IKBKE: variants seen among roughly 807,000 people sequenced by gnomAD.
IKBKE encodes the protein inhibitor of nuclear factor kappa B kinase subunit epsilon.
A neutral mutation model predicts 92.1 loss-of-function variants in IKBKE; 45 were observed. The ratio of observed to expected loss-of-function variants is 0.49; its 90% CI spans 0.38 to 0.63. The LOEUF (loss-of-function observed/expected upper bound fraction) is 0.63. Ranked by LOEUF, IKBKE falls within the 20% of genes least tolerant of loss-of-function variation. The pLI is 0.00. For synonymous variants in IKBKE, 374 were observed against 380.3 expected, an observed-to-expected ratio of 0.98 and a Z score of 0.19; for missense variants, 700 against 932.8, an observed-to-expected ratio of 0.75 and a Z score of 3.25.
intron 13 of IKBKE, among the ~76,000 whole-genome samples, chr1:206,483,927 T>A (rs1390215817): frequency 4.6e-5 from 7 of 152,136 alleles, no homozygotes; most frequent in African/African-American, 7.2e-5. Flanking sequence ...TGGGAAGTTT[T>A]AAAAATTTTT....
In IKBKE at chr1:206,485,123, G is replaced by A. The variant is rs782466077; in HGVS notation, c.1503+51G>A. The A allele has an allele frequency of 1.6e-5, 26 of 1,592,938 alleles. No individual in the cohort carries two copies. Among genetic ancestry groups the A allele is most frequent in the Middle Eastern group, 1.7e-4 (1 of 6,024 alleles). On this transcript the variant is annotated intron_variant, in intron 14 of 21. Coordinates refer to ENST00000581977, the MANE Select transcript of IKBKE (RefSeq NM_014002.4). This position sits in a 1 kb window ranked among gnomAD's most constrained non-coding sequence, Gnocchi z 5.0. ...TTAGCAGGATCAGAGCTGGGGGCCCGTGTTCCAGCCAGCCTGCCCACCAGT... is the reference window on the plus strand; with the variant it reads ...TTAGCAGGATCAGAGCTGGGGGCCCATGTTCCAGCCAGCCTGCCCACCAGT...
intron 18 of IKBKE, chr1:206,492,643 T>C (rs561316205): frequency 6.2e-6 from 3 of 484,286 alleles, no homozygotes; most frequent in Non-Finnish European, 1.3e-5. Flanking sequence ...TAGAAGAGAA[T>C]TCACACTGGA....
chr1:206,482,157 G>A (rs531198137), intron 13 of IKBKE, among the ~76,000 whole-genome samples: 1 of 152,112 alleles, frequency 6.6e-6, no homozygotes, highest in Non-Finnish European at 1.5e-5. Context: ...GAAGAAAAGG[G>A]CCCTGTTCGG....
rs1289494954 is a variant in IKBKE, at chr1:206,476,293, C to T, written c.471C>T (p.Asp157=). The part of the protein sequence containing the change: ...EEGQSIYKLT[D]FGAARELDDD... Reference sequence around the variant, plus strand: ...GGCAGAGCATCTACAAGCTGACAGACTTCGGCGCTGCCCGGGAGCTGGATG... The same window carrying T: ...GGCAGAGCATCTACAAGCTGACAGATTTCGGCGCTGCCCGGGAGCTGGATG... Residue 157 remains aspartate (D), a synonymous_variant, in exon 6 of 22, where the codon GAC becomes GAT. Coordinates refer to ENST00000581977, the MANE Select transcript of IKBKE (RefSeq NM_014002.4). This position sits in a 1 kb window ranked among gnomAD's most constrained non-coding sequence, Gnocchi z 5.1. 3 of 1,614,028 alleles carry T rather than the reference C, an allele frequency of 1.9e-6. No individual in the cohort carries two copies. The African/African-American group carries it at 4.0e-5, about 22-fold the overall frequency.
intron 16 of IKBKE, 84 bp downstream of exon 16, chr1:206,488,074 T>C (rs566540078): frequency 1.0e-5 from 11 of 1,048,916 alleles, no homozygotes; most frequent in South Asian, 9.5e-5. Flanking sequence ...GTGCTACCAG[T>C]GGCCACTAAC....
chr1:206,479,225 T>C (rs556561593), intron 10 of IKBKE, 92 bp downstream of exon 10: 69 of 1,109,106 alleles, frequency 6.2e-5, no homozygotes, highest in Admixed American at 4.4e-4. Context: ...TACTTTTCTT[T>C]GTGGGTGTTT....
In IKBKE at chr1:206,488,007, CA is replaced by C; in HGVS notation, c.1693+18del. On this transcript the variant is annotated intron_variant, in intron 16 of 21. Transcript: ENST00000581977. Reference sequence around the variant, plus strand: ...TGAGGCCAGGTGAGCCCGGGGAGGGCAGATGCCCCTTCTCTCTCCTCTGTCT... The same window carrying C: ...TGAGGCCAGGTGAGCCCGGGGAGGGCGATGCCCCTTCTCTCTCCTCTGTCT... 4 of 1,577,210 alleles carry C rather than the reference CA, an allele frequency of 2.5e-6. No individual in the cohort carries two copies. In the Middle Eastern group the frequency reaches 5.3e-4, roughly 208 times the overall value.
Position 206,490,815 on chromosome 1 carries a change from C to T in IKBKE, c.1694-4C>T, listed in dbSNP as rs782560111. 5.6e-6 allele frequency: 9 copies of T among 1,614,120 alleles called. No homozygotes were observed. The highest frequency in any genetic ancestry group is 7.6e-6 in the Non-Finnish European group (9 of 1,179,968). ...GTGACATCTGTTCTGTCTGTTTCCT[C>T]CAGGGCTTGGCTACAACGAGGAGCA... On this transcript the variant is annotated splice_region_variant and splice_polypyrimidine_tract_variant and intron_variant, in intron 16 of 21. Transcript: ENST00000581977. The surrounding 1 kb of genome is among the most constrained non-coding windows in gnomAD (Gnocchi z 5.2).
Position 206,478,591 on chromosome 1 carries a change from G to C in IKBKE, c.992+252G>C, listed in dbSNP as rs782359913. 1.3e-5 allele frequency among the ~76,000 whole-genome samples: 2 copies of C among 152,204 alleles called. No homozygotes were observed. The highest frequency in any genetic ancestry group is 4.8e-5 in the African/African-American group (2 of 41,432). ...TACATCTGAGAAGTGTGTGCGTGGT[G>C]TATGTTGGCTGTACATTTCGTAAAG... On this transcript the variant is annotated intron_variant, in intron 9 of 21. Coordinates refer to ENST00000581977, the MANE Select transcript of IKBKE (RefSeq NM_014002.4). The surrounding 1 kb of genome is among the most constrained non-coding windows in gnomAD (Gnocchi z 4.8).
intron 1 of IKBKE, 85 bp downstream of exon 1, chr1:206,470,783 G>C (rs1664733084): frequency 6.6e-6 from 1 of 152,520 alleles, no homozygotes. Flanking sequence ...GCCGGGTGCA[G>C]GGGTGTGGGC....
At position 206,474,957 on chromosome 1, in the gene IKBKE, G is replaced by A. The variant is rs377305636; in HGVS notation, c.321G>A (p.Leu107=). The A allele has an allele frequency of 1.9e-6, 3 of 1,613,984 alleles. No individual in the cohort carries two copies. The African/African-American group carries it at 4.0e-5, about 22-fold the overall frequency. Residue 107 remains leucine (L), a synonymous_variant, in exon 5 of 22, where the codon CTG becomes CTA. Coordinates refer to ENST00000581977, the MANE Select transcript of IKBKE (RefSeq NM_014002.4). ...VLESPENAFG[L]PEDEFLVVLR... ...AGAGCCCTGAGAATGCCTTTGGGCT[G>A]CCTGAGGATGAGTTCCTGGTGGTGC... is the stretch of plus-strand genomic sequence containing the variant.
chr1:206,482,726 C>T (rs544918290), intron 13 of IKBKE, among the ~76,000 whole-genome samples: 170 of 152,364 alleles, frequency 1.1e-3, no homozygotes, highest in African/African-American at 3.8e-3. Context: ...GCCTCTGTGT[C>T]CTCATTTTCA....
rs1553390377 is a variant in IKBKE, at chr1:206,491,630, G to T, written c.1734-18G>T. The T allele has an allele frequency of 1.9e-6, 3 of 1,587,916 alleles. No homozygotes were observed. Among genetic ancestry groups the T allele is most frequent in the Admixed American group, 1.7e-5 (1 of 59,892 alleles). ...GGTTCTGGCAGCTCATCTGCACCTT[G>T]GTTCTCTGTCGTTCTAGGGTGAATT... On this transcript the variant is annotated intron_variant, in intron 17 of 21. Coordinates refer to ENST00000581977, the MANE Select transcript of IKBKE (RefSeq NM_014002.4).
intron 15 of IKBKE, among the ~76,000 whole-genome samples, chr1:206,486,395 C>T (rs1164077981): frequency 1.3e-5 from 2 of 151,084 alleles, no homozygotes; most frequent in African/African-American, 4.9e-5. Flanking sequence ...GAGGCCCTGT[C>T]CTTTTGGATG....
Position 206,476,461 on chromosome 1 carries a change from C to G in IKBKE, c.540+99C>G. Reference sequence around the variant, plus strand: ...ATGAGGGGGTGTGGCCCACCTCCTGCTTCCACAGGAGTTATGTCTCTCCCC... The same window carrying G: ...ATGAGGGGGTGTGGCCCACCTCCTGGTTCCACAGGAGTTATGTCTCTCCCC... On this transcript the variant is annotated intron_variant, in intron 6 of 21. Transcript: ENST00000581977. This position sits in a 1 kb window ranked among gnomAD's most constrained non-coding sequence, Gnocchi z 5.1. The G allele has an allele frequency of 6.3e-6, 8 of 1,273,304 alleles. No homozygotes were observed. The highest frequency in any genetic ancestry group is 8.9e-6 in the Non-Finnish European group (8 of 900,372). 78.9% of individuals were successfully genotyped at this position (1,273,304 alleles called of 1,614,324 possible). A position where few individuals can be genotyped will look rare whatever the true frequency, so the allele number is the denominator to read the frequency against.
In IKBKE at chr1:206,474,441, C is replaced by T. The variant is rs1553384636; in HGVS notation, c.198C>T (p.Asn66=). 6.2e-7 allele frequency: 1 copy of T among 1,614,078 alleles called. No homozygotes were observed. Among genetic ancestry groups the T allele is most frequent in the Non-Finnish European group, 8.5e-7 (1 of 1,179,966 alleles). ...TCCTGCGGAAGCTGAACCACCAGAA[C>T]ATTGTCAAGCTCTTTGCGGTGGAGG... is the stretch of plus-strand genomic sequence containing the variant. ...FEVLRKLNHQ[N]IVKLFAVEET... The change falls in exon 4 of 22, where the codon AAC becomes AAT. Residue 66 remains asparagine, a synonymous_variant. Coordinates refer to ENST00000581977, the MANE Select transcript of IKBKE (RefSeq NM_014002.4).
chr1:206,473,000 CTTG>C (rs748194353), intron 2 of IKBKE, 193 bp from the exon 3 acceptor site: 8 of 546,068 alleles, frequency 1.5e-5, no homozygotes, highest in South Asian at 2.3e-5. Context: ...TGGGGGCCCT[CTTG>C]TTGTGCTGTG....
At chr1:206,471,837 CAG>C (rs1664792654) in intron 2 of IKBKE, among the ~76,000 whole-genome samples, 1 of 152,226 alleles carries the variant, frequency 6.6e-6, no homozygotes, top group South Asian at 2.1e-4. Context: ...AAAGATTACA[CAG>C]AGAAAAAGTT....
chr1:206,480,614 C>A (rs1665329936), intron 13 of IKBKE, 81 bp downstream of exon 13: 5 of 905,366 alleles, frequency 5.5e-6, no homozygotes, highest in South Asian at 4.3e-5. Flanking sequence ...CAACAATGCA[C>A]CTCTTCTCCC....
Sources: gnomAD v4.1 joint callset for allele counts (sites outside exome capture counted in the v4.1 genomes callset) on GRCh38, gnomAD v4.1.1 for gene constraint, Gnocchi (gnomAD v3.1) non-coding constraint, MANE v1.5 for transcripts, NCBI Gene and HGNC (gene_info 2026-07-23, HGNC 2026-07-21) for gene names.